The following ADGRB3 variants were observed in gnomAD, a reference collection of about 807,000 sequenced individuals.
The protein encoded by ADGRB3 is brain-specific angiogenesis inhibitor 3.
In ADGRB3, 37 loss-of-function variants were observed where a neutral mutation model predicts 193.4. The observed-to-expected ratio is 0.19, with a 90% CI of 0.15 to 0.25. ADGRB3 has a LOEUF of 0.25. ADGRB3 is among the 10% of genes least tolerant of loss of function. The pLI is 1.00. For synonymous variants in ADGRB3, 690 were observed against 644.2 expected (o/e 1.07, Z -1.08); for missense variants, 1,637 against 1,852.9 (o/e 0.88, Z 2.14).
intron 20 of ADGRB3, among the ~76,000 whole-genome samples, chr6:69,288,477 C>A (rs1481491535): frequency 6.6e-6 from 1 of 152,112 alleles, no homozygotes; most frequent in Non-Finnish European, 1.5e-5. Context: ...GGAACCAACC[C>A]AAAACTTGGT....
chr6:69,275,861 G>A (rs548175617), intron 20 of ADGRB3, among the ~76,000 whole-genome samples: 22 of 152,104 alleles, frequency 1.4e-4, no homozygotes, highest in African/African-American at 5.1e-4. Flanking sequence ...TGAATTTCAA[G>A]GGCCAGTTCT....
intron 3 of ADGRB3, among the ~76,000 whole-genome samples, chr6:68,925,923 CACTT>C (rs1452863805): frequency 2.6e-5 from 4 of 151,916 alleles, no homozygotes; most frequent in African/African-American, 7.2e-5. Context: ...AGGACAGTGA[CACTT>C]AATTTTCAAA....
intron 13 of ADGRB3, among the ~76,000 whole-genome samples, chr6:69,021,032 T>C (rs1261429367): frequency 6.6e-6 from 1 of 151,962 alleles, no homozygotes; most frequent in African/African-American, 2.4e-5. Context: ...GTGAAACATG[T>C]GAATTGGCCC....
In ADGRB3 at chr6:69,173,753, G is replaced by A. The variant is rs1298577556; in HGVS notation, c.2481-59537G>A. 2.6e-5 allele frequency among the ~76,000 whole-genome samples: 4 copies of A among 152,234 alleles called. No individual in the cohort carries two copies. In the East Asian group the frequency reaches 5.8e-4, roughly 22 times the overall value. ...GAAGAATGATGGATAAACAGTGACA[G>A]GTGGATAAAAAAGGTCAGAGAATAA... On this transcript the variant is annotated intron_variant, in intron 17 of 31. Coordinates refer to ENST00000370598, the MANE Select transcript of ADGRB3 (RefSeq NM_001704.3).
chr6:69,059,013 A>G (rs989356118), intron 15 of ADGRB3, among the ~76,000 whole-genome samples: 2 of 151,962 alleles, frequency 1.3e-5, no homozygotes, highest in African/African-American at 4.8e-5. Flanking sequence ...TTTTCTGTCT[A>G]GGTAATCTAT....
At chr6:69,367,693 C>T (rs1164668552) in intron 29 of ADGRB3, among the ~76,000 whole-genome samples, 2 of 151,892 alleles carry the variant, frequency 1.3e-5, no homozygotes, top group East Asian at 3.9e-4. Context: ...GACACATGCA[C>T]ACGTATGTTT....
At chr6:69,248,668 G>C (rs1766549526) in intron 20 of ADGRB3, among the ~76,000 whole-genome samples, 1 of 152,220 alleles carries the variant, frequency 6.6e-6, no homozygotes, top group Admixed American at 6.5e-5. Flanking sequence ...CAGTTCTGCT[G>C]TTGTTGCTAG....
At position 69,148,095 on chromosome 6, in the gene ADGRB3, T is replaced by A. The variant is rs144717431; in HGVS notation, c.2480+72057T>A. On this transcript the variant is annotated intron_variant, in intron 17 of 31. Transcript: ENST00000370598. ...GTTTTTTATCCATTCAGCCACTCTA[T>A]GTCCTTGAATTAGAGAGTTTAGTCT... Among the ~76,000 whole-genome samples, 4 of 152,280 alleles carry A rather than the reference T, an allele frequency of 2.6e-5. No homozygotes were observed. In the East Asian group the frequency reaches 7.7e-4, roughly 29 times the overall value.
At chr6:69,366,837 A>G (rs970292381) in intron 29 of ADGRB3, among the ~76,000 whole-genome samples, 4 of 152,106 alleles carry the variant, frequency 2.6e-5, no homozygotes, top group Non-Finnish European at 5.9e-5. Context: ...TCTTTTAATC[A>G]TTTACCAATA....
At chr6:68,703,005 T>C (rs1456754539) in intron 3 of ADGRB3, among the ~76,000 whole-genome samples, 2 of 152,186 alleles carry the variant, frequency 1.3e-5, no homozygotes, top group Non-Finnish European at 2.9e-5. Flanking sequence ...TTTTGGCTAT[T>C]CAATATTGTT....
intron 17 of ADGRB3, among the ~76,000 whole-genome samples, chr6:69,089,434 A>G (rs1372642380): frequency 1.3e-5 from 2 of 152,230 alleles, no homozygotes; most frequent in African/African-American, 2.4e-5. Context: ...GAATATTTAT[A>G]TAATTTTTTT....
chr6:68,739,657 A>G (rs1765939003), intron 3 of ADGRB3, among the ~76,000 whole-genome samples: 1 of 152,120 alleles, frequency 6.6e-6, no homozygotes, highest in Non-Finnish European at 1.5e-5. Flanking sequence ...GGTGTTTAAG[A>G]TATGGAAAGA....
chr6:69,071,694 A>G (rs1286175287), intron 16 of ADGRB3, among the ~76,000 whole-genome samples: 2 of 152,162 alleles, frequency 1.3e-5, no homozygotes, highest in Non-Finnish European at 2.9e-5. Flanking sequence ...TATGTGCAGT[A>G]TTACCATTTT....
chr6:68,932,499 A>C (rs1032248581), intron 4 of ADGRB3, among the ~76,000 whole-genome samples: 2 of 152,098 alleles, frequency 1.3e-5, no homozygotes, highest in Non-Finnish European at 1.5e-5. Context: ...ATTTTAACCA[A>C]ATATAGTATA....
chr6:69,151,139 C>A (rs1025896949), intron 17 of ADGRB3, among the ~76,000 whole-genome samples: 12 of 152,182 alleles, frequency 7.9e-5, no homozygotes, highest in Non-Finnish European at 1.6e-4. Context: ...CATGCCCCAC[C>A]AAGTCCACTG....
At chr6:69,158,124 G>A (rs1466302927) in intron 17 of ADGRB3, among the ~76,000 whole-genome samples, 1 of 151,932 alleles carries the variant, frequency 6.6e-6, no homozygotes, top group Non-Finnish European at 1.5e-5. Context: ...AACCCTAGTA[G>A]CATTTATGAT....
At chr6:68,644,741 T>C (rs115418117) in intron 3 of ADGRB3, among the ~76,000 whole-genome samples, 2 of 152,318 alleles carry the variant, frequency 1.3e-5, no homozygotes, top group African/African-American at 2.4e-5. Flanking sequence ...AGTTCATGTA[T>C]GTAGCAATTA....
intron 12 of ADGRB3, 80 bp downstream of exon 12, chr6:69,014,186 T>C: frequency 9.9e-7 from 1 of 1,012,062 alleles, no homozygotes; most frequent in Non-Finnish European, 1.5e-6. Context: ...TGGCTTGCTA[T>C]TTCAGGAAAA....
intron 20 of ADGRB3, among the ~76,000 whole-genome samples, chr6:69,277,015 T>C (rs79066302): frequency 6.7e-6 from 1 of 150,342 alleles, no homozygotes; most frequent in African/African-American, 2.4e-5. Context: ...TTTTTTTTTT[T>C]AGATGGAGTC....
Sources: allele counts gnomAD v4.1 joint callset (sites outside exome capture counted in the v4.1 genomes callset), GRCh38; gene constraint gnomAD v4.1.1; transcripts MANE v1.5; gene names NCBI Gene and HGNC (gene_info 2026-07-23, HGNC 2026-07-21).